Variants in GTF2I observed in about 807,000 individuals in gnomAD.
GTF2I encodes the protein general transcription factor II-I.
In GTF2I, 12 loss-of-function variants were observed where a neutral mutation model predicts 67.6. The observed-to-expected ratio is 0.18, with a 90% CI of 0.11 to 0.29. GTF2I has a LOEUF of 0.29. GTF2I is among the 10% of genes least tolerant of loss of function. The pLI is 1.00. For synonymous variants in GTF2I, 149 were observed against 197.0 expected, an observed-to-expected ratio of 0.76 and a Z score of 2.04; for missense variants, 271 against 580.1, an observed-to-expected ratio of 0.47 and a Z score of 5.47.
intron 1 of GTF2I, among the ~76,000 whole-genome samples, chr7:74,685,954 G>A (rs1415561655): frequency 6.6e-6 from 1 of 152,184 alleles, no homozygotes; most frequent in Non-Finnish European, 1.5e-5. Flanking sequence ...TCTGGAGGCT[G>A]AGGTGGGAGA....
intron 1 of GTF2I, among the ~76,000 whole-genome samples, chr7:74,670,683 CTT>C (rs1554390299): frequency 1.4e-5 from 2 of 141,386 alleles, no homozygotes; most frequent in Non-Finnish European, 3.0e-5. Context: ...GAGTCAGACT[CTT>C]TCTCAAAAAA....
In GTF2I at chr7:74,734,461, G is replaced by T. The variant is rs1283501817; in HGVS notation, c.1363+480G>T. ...TTTTGAGAGGGAATCTTGCTCTGTTGCCCAGGCTGGAGTGCAGTGGTGCGA... is the reference window on the plus strand; with the variant it reads ...TTTTGAGAGGGAATCTTGCTCTGTTTCCCAGGCTGGAGTGCAGTGGTGCGA... On this transcript the variant is annotated intron_variant, in intron 16 of 34. Coordinates refer to ENST00000573035, the MANE Select transcript of GTF2I (RefSeq NM_032999.4). Among the ~76,000 whole-genome samples, 41 of 151,658 alleles carry T rather than the reference G, an allele frequency of 2.7e-4. 2 individuals carry two copies. The highest frequency in any genetic ancestry group is 9.6e-4 in the African/African-American group (40 of 41,478).
chr7:74,690,874 G>T, intron 2 of GTF2I, 99 bp from the exon 3 acceptor site: 1 of 1,103,520 alleles, frequency 9.1e-7, no homozygotes, highest in South Asian at 1.4e-5. Context: ...TGAAAGAGAA[G>T]TACCTTTAAA....
chr7:74,712,845 G>T (rs1192498411), intron 9 of GTF2I, among the ~76,000 whole-genome samples: 1 of 151,950 alleles, frequency 6.6e-6, no homozygotes, highest in Non-Finnish European at 1.5e-5. Context: ...TACACTGTGT[G>T]ATTATAATAC....
At chr7:74,677,688 A>G (rs1584103200) in intron 1 of GTF2I, among the ~76,000 whole-genome samples, 2 of 147,170 alleles carry the variant, frequency 1.4e-5, no homozygotes, top group East Asian at 4.2e-4. Context: ...AGGCTGAGGC[A>G]GGAGAATTGC....
intron 8 of GTF2I, among the ~76,000 whole-genome samples, chr7:74,708,194 T>C (rs1791020985): frequency 6.6e-6 from 1 of 151,922 alleles, no homozygotes; most frequent in Non-Finnish European, 1.5e-5. Context: ...TCCCAGCTAC[T>C]CAAGAGGCTG....
intron 14 of GTF2I, among the ~76,000 whole-genome samples, chr7:74,732,230 T>A (rs1280888677): frequency 6.6e-6 from 1 of 151,010 alleles, no homozygotes; most frequent in Non-Finnish European, 1.5e-5. Context: ...AAAAATTAGC[T>A]GGGCGTGGTG....
chr7:74,702,936 C>G (rs587709781), intron 6 of GTF2I, among the ~76,000 whole-genome samples: 3 of 151,944 alleles, frequency 2.0e-5, no homozygotes, highest in African/African-American at 7.2e-5. Flanking sequence ...AAGCTCTTGC[C>G]GTGTTGGCCA....
chr7:74,703,659 C>T (rs587761134), intron 6 of GTF2I, among the ~76,000 whole-genome samples: 4 of 152,318 alleles, frequency 2.6e-5, no homozygotes, highest in African/African-American at 7.2e-5. Flanking sequence ...GGATTATAGG[C>T]GTGAGCCACT....
At chr7:74,721,316 C>T (rs2131455678) in intron 12 of GTF2I, among the ~76,000 whole-genome samples, 1 of 152,344 alleles carries the variant, frequency 6.6e-6, no homozygotes, top group East Asian at 1.9e-4. Flanking sequence ...GCTGGGATTA[C>T]AGGCATGAGC....
At chr7:74,692,321 C>T (rs1788398841) in intron 3 of GTF2I, among the ~76,000 whole-genome samples, 1 of 150,384 alleles carries the variant, frequency 6.6e-6, no homozygotes, top group African/African-American at 2.5e-5. Context: ...GAGCCCACCT[C>T]GGCCTCCCAA....
At chr7:74,668,110 G>A (rs1412113172) in intron 1 of GTF2I, among the ~76,000 whole-genome samples, 2 of 151,418 alleles carry the variant, frequency 1.3e-5, no homozygotes, top group Non-Finnish European at 1.5e-5. Context: ...GGGATTACAG[G>A]CGTGAGCCAC....
At position 74,691,060 on chromosome 7, in the gene GTF2I, C is replaced by T. The variant is rs924091625; in HGVS notation, c.187C>T (p.Arg63Cys). The change falls in exon 3 of 35, where the codon CGT becomes TGT. Residue 63 changes from arginine (R) to cysteine (C), a missense_variant. Physicochemically the swap from Arg to Cys is radical, Grantham distance 180 (BLOSUM62 -3). Coordinates refer to ENST00000573035, the MANE Select transcript of GTF2I (RefSeq NM_032999.4). ...DVFVVGTERG[R>C]AFVNTRKDFQ... ...GTTTGTCGTCGGAACTGAAAGAGGA[C>T]GTGCTTTTGTCAATACCAGAAAGGA... is the stretch of plus-strand genomic sequence containing the variant. 3.7e-6 allele frequency: 6 copies of T among 1,611,892 alleles called. No homozygotes were observed. Among genetic ancestry groups the T allele is most frequent in the Non-Finnish European group, 5.1e-6 (6 of 1,178,482 alleles).
At chr7:74,686,148 A>G (rs1401575521) in intron 1 of GTF2I, among the ~76,000 whole-genome samples, 3 of 152,202 alleles carry the variant, frequency 2.0e-5, no homozygotes, top group Non-Finnish European at 4.4e-5. Context: ...TTGGTTGCAG[A>G]AAGCAACCAA....
chr7:74,710,967 A>T, intron 8 of GTF2I, 65 bp from the exon 9 acceptor site: 1 of 746,964 alleles, frequency 1.3e-6, no homozygotes, highest in Admixed American at 2.6e-5. Context: ...GGCAGAGAGG[A>T]TTTCCCTACA....
intron 1 of GTF2I, among the ~76,000 whole-genome samples, chr7:74,658,700 G>A (rs1804175395): frequency 6.6e-6 from 1 of 151,300 alleles, no homozygotes; most frequent in African/African-American, 2.4e-5. Context: ...CCGCTCCCAG[G>A]TGGAGTCCGC....
intron 9 of GTF2I, among the ~76,000 whole-genome samples, chr7:74,711,777 T>C (rs1046317141): frequency 6.6e-6 from 1 of 152,192 alleles, no homozygotes; most frequent in African/African-American, 2.4e-5. Flanking sequence ...GTATCAGTAG[T>C]AGATTCCATT....
chr7:74,682,579 T>G (rs1485089782), intron 1 of GTF2I, among the ~76,000 whole-genome samples: 1 of 152,200 alleles, frequency 6.6e-6, no homozygotes, highest in Non-Finnish European at 1.5e-5. Flanking sequence ...TAGGCAGGTG[T>G]TGTCTCTTGA....
At chr7:74,697,427 A>G (rs374752386) in intron 3 of GTF2I, among the ~76,000 whole-genome samples, 228 of 152,252 alleles carry the variant, frequency 1.5e-3, no homozygotes, top group African/African-American at 4.3e-3. Flanking sequence ...GATATTTGTC[A>G]TACTTTTTTT....
Sources: gnomAD v4.1 joint callset for allele counts (sites outside exome capture counted in the v4.1 genomes callset) on GRCh38, gnomAD v4.1.1 for gene constraint, MANE v1.5 for transcripts, NCBI Gene and HGNC (gene_info 2026-07-23, HGNC 2026-07-21) for gene names.